Variants in PTPRA observed in about 807,000 individuals in gnomAD.
The protein encoded by PTPRA is protein tyrosine phosphatase receptor type A, also known as receptor-type tyrosine-protein phosphatase alpha.
PTPRA carries 25 observed loss-of-function variants against 104.8 expected under a neutral mutation model. The ratio of observed to expected loss-of-function variants is 0.24; its 90% CI spans 0.17 to 0.33. PTPRA has a LOEUF of 0.33. Ranked by LOEUF, PTPRA falls within the 10% of genes least tolerant of loss-of-function variation. The pLI is 1.00. For synonymous variants in PTPRA, 323 were observed against 368.9 expected, an observed-to-expected ratio of 0.88 and a Z score of 1.43; for missense variants, 765 against 1,015.3, an observed-to-expected ratio of 0.75 and a Z score of 3.35.
At chr20:2,899,301 A>G (rs1804693306) in intron 1 of PTPRA, among the ~76,000 whole-genome samples, 1 of 152,246 alleles carries the variant, frequency 6.6e-6, no homozygotes, top group South Asian at 2.1e-4. Flanking sequence ...ATTTATAGGT[A>G]TGAATGACAC....
chr20:2,908,662 G>A (rs1431783938), intron 1 of PTPRA, among the ~76,000 whole-genome samples: 2 of 152,078 alleles, frequency 1.3e-5, no homozygotes, highest in African/African-American at 4.8e-5. Context: ...GGAGGCCAGG[G>A]TGGGAGGATT....
At chr20:2,972,131 T>C (rs2062217263) in intron 5 of PTPRA, among the ~76,000 whole-genome samples, 1 of 152,212 alleles carries the variant, frequency 6.6e-6, no homozygotes, top group East Asian at 1.9e-4. Context: ...GCCCTGCCAG[T>C]TTTTATTTAT....
intron 2 of PTPRA, 73 bp downstream of exon 2, chr20:2,923,358 C>T: frequency 9.5e-7 from 1 of 1,057,232 alleles, no homozygotes; most frequent in Non-Finnish European, 1.2e-6. Context: ...AAGCTAACAT[C>T]ACATGCTTTC....
chr20:2,914,445 C>CTGTG (rs35272226), intron 1 of PTPRA, among the ~76,000 whole-genome samples: 2,885 of 145,702 alleles, frequency 0.02, 44 homozygotes, highest in South Asian at 0.043. Flanking sequence ...ATTTCTTGCT[C>CTGTG]TGTGTGTGTG....
At chr20:3,030,542 C>T (rs654750) in intron 20 of PTPRA, among the ~76,000 whole-genome samples, 96,375 of 151,878 alleles carry the variant, frequency 0.63, 32,530 homozygotes, top group East Asian at 0.89. Context: ...GGTGCCTACA[C>T]TTATACAGTG....
intron 1 of PTPRA, among the ~76,000 whole-genome samples, chr20:2,897,025 T>C (rs1367082979): frequency 6.6e-6 from 1 of 152,246 alleles, no homozygotes; most frequent in Non-Finnish European, 1.5e-5. Context: ...GGTTATGCAT[T>C]TGTGGCAGGA....
intron 1 of PTPRA, among the ~76,000 whole-genome samples, chr20:2,902,163 G>A (rs1230267341): frequency 1.3e-5 from 2 of 152,128 alleles, no homozygotes; most frequent in Admixed American, 1.3e-4. Flanking sequence ...GGGATTACAG[G>A]TGTGAGCCAC....
At chr20:2,971,700 TGTTCAG>T (rs1169210928) in intron 5 of PTPRA, among the ~76,000 whole-genome samples, 7 of 152,204 alleles carry the variant, frequency 4.6e-5, no homozygotes, top group Non-Finnish European at 1.0e-4. Flanking sequence ...TATTTTATTG[TGTTCAG>T]GATTTAATGA....
At chr20:2,988,780 AG>A (rs1252170984) in intron 9 of PTPRA, among the ~76,000 whole-genome samples, 4 of 152,238 alleles carry the variant, frequency 2.6e-5, no homozygotes, top group African/African-American at 7.2e-5. Flanking sequence ...TGATATGATG[AG>A]GAGCAGAAAC....
the PTPRA span, chr20:2,864,202 A>AG: frequency 6.2e-7 from 1 of 1,614,170 alleles, no homozygotes; most frequent in Non-Finnish European, 8.5e-7. The surrounding 1 kb of genome is among the most constrained non-coding windows in gnomAD (Gnocchi z 5.2). Flanking sequence ...AGCCACGCTC[A>AG]GGGGAGCAGG....
chr20:2,900,857 CA>C (rs552826526), intron 1 of PTPRA, among the ~76,000 whole-genome samples: 2,618 of 123,704 alleles, frequency 0.021, 59 homozygotes, highest in African/African-American at 0.064. Flanking sequence ...AACTCCATCT[CA>C]AAAAAAAAAA....
intron 1 of PTPRA, among the ~76,000 whole-genome samples, chr20:2,908,297 C>T (rs958795355): frequency 3.9e-5 from 6 of 152,164 alleles, no homozygotes; most frequent in Non-Finnish European, 7.3e-5. Flanking sequence ...TTGAACAACG[C>T]AGTTTCAAAC....
chr20:2,911,671 A>G (rs1276102869), intron 1 of PTPRA, among the ~76,000 whole-genome samples: 1 of 152,252 alleles, frequency 6.6e-6, no homozygotes, highest in Non-Finnish European at 1.5e-5. Context: ...CCAATTAAAT[A>G]CACTGTAGCA....
At chr20:3,002,186 G>C (rs1287214352) in intron 9 of PTPRA, among the ~76,000 whole-genome samples, 1 of 151,814 alleles carries the variant, frequency 6.6e-6, no homozygotes, top group Admixed American at 6.6e-5. Flanking sequence ...ACAAAAAATT[G>C]GTTCCCTTTG....
the PTPRA span, chr20:2,866,555 C>T: frequency 6.2e-7 from 1 of 1,614,154 alleles, no homozygotes; most frequent in Non-Finnish European, 8.5e-7. Context: ...CGGGCCAGGG[C>T]ACAAGCCCAG....
Position 2,882,259 on chromosome 20 carries a change from C to T in PTPRA, c.-129+8499C>T, listed in dbSNP as rs1289655043. ...AGAAGCTTCTAGCATGTCTCAGTAT[C>T]GCTAGATACTCTTTTTTTTCTTTTC... On this transcript the variant is annotated intron_variant, in intron 1 of 23. Coordinates refer to ENST00000399903, the MANE Select transcript of PTPRA (RefSeq NM_001385305.1). 3.3e-5 allele frequency among the ~76,000 whole-genome samples: 5 copies of T among 151,478 alleles called. No individual in the cohort carries two copies. The South Asian group carries it at 6.3e-4, about 19-fold the overall frequency.
At chr20:2,865,302 G>A in the PTPRA span, 28 of 1,614,098 alleles carry the variant, frequency 1.7e-5, no homozygotes, top group Admixed American at 2.2e-4. The surrounding 1 kb of genome is among the most constrained non-coding windows in gnomAD (Gnocchi z 5.2). Flanking sequence ...CGTGACTTCC[G>A]CATCCCTGAC....
At chr20:2,879,829 C>T (rs1433347063) in intron 1 of PTPRA, among the ~76,000 whole-genome samples, 1 of 152,086 alleles carries the variant, frequency 6.6e-6, no homozygotes, top group African/African-American at 2.4e-5. Flanking sequence ...GTAGGCTATA[C>T]AATATAGCCT....
In PTPRA at chr20:2,899,574, AAC is replaced by A. The variant is rs1260681373; in HGVS notation, c.-128-23629_-128-23628del. 2.6e-5 allele frequency among the ~76,000 whole-genome samples: 4 copies of A among 152,334 alleles called. No individual in the cohort carries two copies. The East Asian group carries it at 5.8e-4, about 22-fold the overall frequency. Reference sequence around the variant, plus strand: ...AATATGATTTTTGTGTAGCCTCAAAAACACAGAGATGGTATGAATGTAAACAA... The same window carrying A: ...AATATGATTTTTGTGTAGCCTCAAAAACAGAGATGGTATGAATGTAAACAA... On this transcript the variant is annotated intron_variant, in intron 1 of 23. Transcript: ENST00000399903.
Sources: allele counts gnomAD v4.1 joint callset (sites outside exome capture counted in the v4.1 genomes callset), GRCh38; gene constraint gnomAD v4.1.1; non-coding constraint Gnocchi (gnomAD v3.1); transcripts MANE v1.5; gene names NCBI Gene and HGNC (gene_info 2026-07-23, HGNC 2026-07-21).